The following NEB variants were observed in gnomAD, a reference collection of about 807,000 sequenced individuals.
NEB encodes the protein nebulin.
In NEB, 512 loss-of-function variants were observed where a neutral mutation model predicts 952.2. That is an observed-to-expected ratio of 0.54 (90% confidence interval 0.50 to 0.58). The LOEUF is 0.58. NEB is among the 20% of genes least tolerant of loss of function. NEB has a pLI of 0.00. For missense variants in NEB, 8,428 were observed against 9,231.1 expected (o/e 0.91, Z 3.56); for synonymous variants, 2,900 against 3,149.8 (o/e 0.92, Z 2.66).
rs780275367 is a variant in NEB at position 151,629,601 on chromosome 2, C to T, written c.9769G>A (p.Asp3257Asn). The T allele has an allele frequency of 2.6e-5, 42 of 1,613,586 alleles. No homozygotes were observed. The highest frequency in any genetic ancestry group is 5.0e-5 in the Admixed American group (3 of 59,982). ...ATGGGGATGGCGTCACTTCGCAAGTCGTAGCCTTTCTTTTTTGCTTCTTCA... is the reference window on the plus strand; with the variant it reads ...ATGGGGATGGCGTCACTTCGCAAGTTGTAGCCTTTCTTTTTTGCTTCTTCA... ...ANEEAKKKGY[D>N]LRSDAIPIVA... The change falls in exon 68 of 182, where the codon GAC becomes AAC. Residue 3257 changes from aspartate to asparagine, a missense_variant. By Grantham distance (23) the Asp-to-Asn change is conservative. Around this residue, in one of 11 missense-constraint regions of NEB, gnomAD observed 1,772 missense variants for 1,960.3 expected, o/e 0.90. Coordinates refer to ENST00000397345, the MANE Select transcript of NEB (RefSeq NM_001164508.2).
intron 154 of NEB, 54 bp from the exon 155 acceptor site, chr2:151,519,123 C>CT (rs2080158312): frequency 8.7e-7 from 1 of 1,155,814 alleles, no homozygotes; most frequent in African/African-American, 1.5e-5. Context: ...TGGAACAGCA[C>CT]TAATGGAAAT....
chr2:151,541,465 C>G lies in NEB; in HGVS notation c.20664G>C (p.Gly6888=). 6.2e-7 allele frequency: 1 copy of G among 1,612,450 alleles called. No individual in the cohort carries two copies. The highest frequency in any genetic ancestry group is 8.5e-7 in the Non-Finnish European group (1 of 1,179,124). ...AGCTTACCTGACTCTGAAGCTTCTG[C>G]CCTCGCTTGGCTCTTAAAAGATCAG... ...DTPDLLRAKR[G]QKLQSQYLYV... The change falls in exon 136 of 182, where the codon GGG becomes GGC. Residue 6888 remains glycine (G), a synonymous_variant. Transcript: ENST00000397345.
chr2:151,685,614 A>C (rs1480601071), intron 27 of NEB, among the ~76,000 whole-genome samples: 1 of 152,206 alleles, frequency 6.6e-6, no homozygotes, highest in African/African-American at 2.4e-5. Context: ...TGAGCCATTA[A>C]AATAACGTTG....
intron 13 of NEB, among the ~76,000 whole-genome samples, chr2:151,701,518 TATTG>T (rs2099668983): frequency 6.6e-6 from 1 of 151,056 alleles, no homozygotes; most frequent in Non-Finnish European, 1.5e-5. Context: ...GTTGGTAAAC[TATTG>T]ATTATCGCCA....
intron 18 of NEB, 135 bp downstream of exon 18, chr2:151,695,443 T>C: frequency 1.4e-6 from 1 of 690,764 alleles, no homozygotes; most frequent in South Asian, 1.8e-5. Flanking sequence ...GGCAGAGGCA[T>C]AGCAACATGA....
intron 173 of NEB, among the ~76,000 whole-genome samples, chr2:151,495,896 C>T (rs1235537355): frequency 6.6e-6 from 1 of 152,132 alleles, no homozygotes; most frequent in East Asian, 1.9e-4. Flanking sequence ...GACACAAAAA[C>T]ACAACAAAAT....
intron 158 of NEB, 50 bp from the exon 159 acceptor site, chr2:151,514,478 TTC>T (rs1178346946): frequency 7.4e-7 from 1 of 1,356,884 alleles, no homozygotes; most frequent in African/African-American, 1.4e-5. Context: ...CCCAGATTGA[TTC>T]TCTCAGGCAA....
At position 151,570,528 on chromosome 2, in the gene NEB, G is replaced by T. The variant is rs373276853; in HGVS notation, c.17087C>A (p.Ala5696Asp). 17 of 1,611,388 alleles carry T rather than the reference G, an allele frequency of 1.1e-5. No homozygotes were observed. Among genetic ancestry groups the T allele is most frequent in the Non-Finnish European group, 1.4e-5 (16 of 1,179,038 alleles). ...GGCAATCTCCCTGGAGGCCTTGGCA[G>T]CCTGGATGGGGATGGCATCCAGCCG... The part of the protein sequence containing the change: ...DVRLDAIPIQ[A>D]AKASREIASD... Residue 5696 changes from alanine to aspartate, a missense_variant, in exon 108 of 182, where the codon GCT (alanine) becomes GAT (aspartate). Physicochemically the swap from Ala to Asp is moderately radical, Grantham distance 126. Transcript: ENST00000397345.
At chr2:151,729,451 G>T (rs2099800466) in intron 4 of NEB, among the ~76,000 whole-genome samples, 164 bp downstream of exon 4, 1 of 152,218 alleles carries the variant, frequency 6.6e-6, no homozygotes, top group Admixed American at 6.5e-5. Context: ...CATCAAACAG[G>T]TAATGTTTGT....
chr2:151,520,181 G>T (rs2080968336), intron 153 of NEB, among the ~76,000 whole-genome samples: 1 of 152,104 alleles, frequency 6.6e-6, no homozygotes, highest in African/African-American at 2.4e-5. Context: ...GGCTGTAAAT[G>T]ATCAAGAAGG....
In NEB at chr2:151,493,886, T is replaced by C; in HGVS notation, c.24580-19A>G. The stretch of plus-strand genomic sequence containing the variant: ...ATAACACCTGTGAGATACAAAGTCA[T>C]GCCCGAAAGTCACTACGAGGTAATA... On this transcript the variant is annotated intron_variant, in intron 174 of 181. Coordinates refer to ENST00000397345, the MANE Select transcript of NEB (RefSeq NM_001164508.2). The C allele has an allele frequency of 1.4e-6, 2 of 1,457,896 alleles. No homozygotes were observed. Among genetic ancestry groups the C allele is most frequent in the Non-Finnish European group, 1.9e-6 (2 of 1,075,702 alleles). 90.3% of individuals were successfully genotyped at this position (1,457,896 alleles called of 1,614,324 possible). A position where few individuals can be genotyped will look rare whatever the true frequency, so the allele number is the denominator to read the frequency against.
At chr2:151,656,111 T>C (rs1029046355) in intron 49 of NEB, 42 bp downstream of exon 49, 4 of 1,575,408 alleles carry the variant, frequency 2.5e-6, no homozygotes, top group Non-Finnish European at 3.5e-6. Context: ...TCCCTTCCCA[T>C]GCTAGGATTC....
At chr2:151,533,674 C>T (rs775763530) in intron 142 of NEB, 128 bp from the exon 143 acceptor site, 19 of 613,382 alleles carry the variant, frequency 3.1e-5, no homozygotes, top group East Asian at 8.4e-5. Flanking sequence ...CACATATGTG[C>T]GGGTGAAGAC....
chr2:151,577,321 C>A (rs2096908576), intron 105 of NEB, among the ~76,000 whole-genome samples: 1 of 152,160 alleles, frequency 6.6e-6, no homozygotes, highest in African/African-American at 2.4e-5. Flanking sequence ...GTCCTGATCA[C>A]ACAGCCTGTC....
chr2:151,644,030 T>C lies in NEB; in HGVS notation c.7744A>G (p.Lys2582Glu), dbSNP rs2098921406. 1.9e-6 allele frequency: 3 copies of C among 1,614,020 alleles called. No individual in the cohort carries two copies. Among genetic ancestry groups the C allele is most frequent in the Non-Finnish European group, 2.5e-6 (3 of 1,179,890 alleles). ...PKMMWSMHVA[K>E]IQSDREYKKD... is the part of the protein sequence containing the mutation. ...TTGTACTCCCTGTCACTCTGGATCT[T>C]GGCCACATGCATGGACCACATCATC... The change falls in exon 57 of 182, where the codon AAG becomes GAG. Residue 2582 changes from lysine to glutamate, a missense_variant. Around this residue, in one of 11 missense-constraint regions of NEB, gnomAD observed 1,772 missense variants for 1,960.3 expected, o/e 0.90. Transcript: ENST00000397345.
chr2:151,646,186 T>A lies in NEB; in HGVS notation c.7480A>T (p.Met2494Leu). The part of the protein sequence containing the change: ...WDKDKTQIHI[M>L]PDTPDIVLAK... ...AGAACAATGTCAGGTGTATCAGGCA[T>A]GATGTGGATCTGAGTCTTGTCTTTG... Residue 2494 changes from methionine to leucine, a missense_variant, in exon 55 of 182, where the codon ATG becomes TTG. Physicochemically the swap from Met to Leu is conservative, Grantham distance 15. Around this residue, in one of 11 missense-constraint regions of NEB, gnomAD observed 1,772 missense variants for 1,960.3 expected, o/e 0.90. Coordinates refer to ENST00000397345, the MANE Select transcript of NEB (RefSeq NM_001164508.2). 1 of 1,605,156 alleles carries A rather than the reference T, an allele frequency of 6.2e-7. No individual in the cohort carries two copies. The highest frequency in any genetic ancestry group is 1.1e-5 in the South Asian group (1 of 88,984).
chr2:151,665,630 G>C, intron 41 of NEB, 91 bp from the exon 42 acceptor site: 1 of 1,088,500 alleles, frequency 9.2e-7, no homozygotes, highest in South Asian at 1.9e-5. Flanking sequence ...AAAAGAAAAA[G>C]AGAAGCTGGG....
chr2:151,670,628 G>A (rs1292418362), intron 38 of NEB, among the ~76,000 whole-genome samples: 1 of 152,208 alleles, frequency 6.6e-6, no homozygotes, highest in African/African-American at 2.4e-5. Flanking sequence ...TATGCGAGGG[G>A]ATTAGGACAT....
chr2:151,514,343 T>C lies in NEB; in HGVS notation c.23102A>G (p.Lys7701Arg). Residue 7701 changes from lysine (K) to arginine (R), a missense_variant, in exon 159 of 182, where the codon AAG (lysine) becomes AGG (arginine). This residue lies in a region of NEB where 3,374 missense variants were observed against 3,651.5 expected (regional missense o/e 0.92). Coordinates refer to ENST00000397345, the MANE Select transcript of NEB (RefSeq NM_001164508.2). Reference sequence around the variant, plus strand: ...CTCATTGAGGATTTGAGTGGCATTCTTTGCTCTTAGCATGTCAGGTGTATC... The same window carrying C: ...CTCATTGAGGATTTGAGTGGCATTCCTTGCTCTTAGCATGTCAGGTGTATC... The part of the protein sequence containing the change: ...MEDTPDMLRA[K>R]NATQILNEKE... 1.2e-6 allele frequency: 2 copies of C among 1,613,470 alleles called. No homozygotes were observed. Among genetic ancestry groups the C allele is most frequent in the Non-Finnish European group, 1.7e-6 (2 of 1,179,400 alleles).
Sources: gnomAD v4.1 joint callset for allele counts (sites outside exome capture counted in the v4.1 genomes callset) on GRCh38, gnomAD v4.1.1 for gene constraint, gnomAD v4.1.1 regional missense constraint, MANE v1.5 for transcripts, NCBI Gene and HGNC (gene_info 2026-07-23, HGNC 2026-07-21) for gene names.